FRAS1: variants seen among roughly 807,000 people sequenced by gnomAD.
The protein encoded by FRAS1 is Fraser extracellular matrix complex subunit 1.
A neutral mutation model predicts 435.2 loss-of-function variants in FRAS1; 290 were observed. That is an observed-to-expected ratio of 0.67 (90% confidence interval 0.61 to 0.73). The LOEUF is 0.73. Ranked by LOEUF, FRAS1 falls within the 30% of genes least tolerant of loss-of-function variation. The pLI is 0.00. For synonymous variants in FRAS1, 1,800 were observed against 1,851.0 expected (o/e 0.97, Z 0.71); for missense variants, 4,860 against 5,001.5 (o/e 0.97, Z 0.85).
intron 2 of FRAS1, chr4:78,181,095 GC>G (rs1434213888): frequency 1.3e-6 from 2 of 1,559,164 alleles, no homozygotes; most frequent in Non-Finnish European, 1.8e-6. Flanking sequence ...CTCAGCATAA[GC>G]CTCTTCACTC....
intron 26 of FRAS1, among the ~76,000 whole-genome samples, chr4:78,376,297 T>C (rs1731757673): frequency 6.6e-6 from 1 of 152,204 alleles, no homozygotes; most frequent in African/African-American, 2.4e-5. Context: ...ACCTAGATGG[T>C]ATAGCCTACT....
intron 9 of FRAS1, among the ~76,000 whole-genome samples, chr4:78,272,676 T>A (rs1726770158): frequency 6.6e-6 from 1 of 152,228 alleles, no homozygotes. Flanking sequence ...TCTATATCTC[T>A]GTTTTGGTAC....
At chr4:78,133,386 G>T (rs1443886923) in intron 2 of FRAS1, among the ~76,000 whole-genome samples, 1 of 152,018 alleles carries the variant, frequency 6.6e-6, no homozygotes, top group Admixed American at 6.6e-5. Context: ...AGGGTAGTGG[G>T]GTGGGAGGGA....
intron 14 of FRAS1, among the ~76,000 whole-genome samples, chr4:78,302,909 GTT>G (rs1453044745): frequency 6.6e-6 from 1 of 152,152 alleles, no homozygotes; most frequent in Non-Finnish European, 1.5e-5. Context: ...TGCTTTTGGT[GTT>G]TTAGACATGA....
chr4:78,325,552 G>A (rs943508535), intron 18 of FRAS1, among the ~76,000 whole-genome samples: 6 of 152,278 alleles, frequency 3.9e-5, no homozygotes, highest in Middle Eastern at 3.4e-3. Context: ...GCTGACATGC[G>A]CTGTACAAAT....
At chr4:78,292,999 C>A (rs1190212223) in intron 14 of FRAS1, among the ~76,000 whole-genome samples, 1 of 152,134 alleles carries the variant, frequency 6.6e-6, no homozygotes, top group Non-Finnish European at 1.5e-5. Context: ...CCTGTCTCTT[C>A]GATTCTGTTC....
At position 78,499,734 on chromosome 4, in the gene FRAS1, G is replaced by A. The variant is rs761773026; in HGVS notation, c.9129G>A (p.Glu3043=). 6.2e-7 allele frequency: 1 copy of A among 1,613,782 alleles called. No individual in the cohort carries two copies. The highest frequency in any genetic ancestry group is 8.5e-7 in the Non-Finnish European group (1 of 1,179,768). ...ATATTTCCTTAGCCCCCACCATTGAGTTTGAAGAAGCTGCATACCAAGTCC... is the reference window on the plus strand; with the variant it reads ...ATATTTCCTTAGCCCCCACCATTGAATTTGAAGAAGCTGCATACCAAGTCC... ...ISNDEDAPTI[E]FEEAAYQVRE... Residue 3043 remains glutamate, a synonymous_variant, in exon 61 of 74, where the codon GAG becomes GAA. Transcript: ENST00000512123.
At chr4:78,339,546 CCAGA>C (rs1341121370) in intron 20 of FRAS1, among the ~76,000 whole-genome samples, 1 of 152,142 alleles carries the variant, frequency 6.6e-6, no homozygotes, top group Non-Finnish European at 1.5e-5. Flanking sequence ...CAAAATATTT[CCAGA>C]AGAATAACCA....
intron 20 of FRAS1, among the ~76,000 whole-genome samples, chr4:78,359,527 A>G (rs895129363): frequency 6.6e-6 from 1 of 152,100 alleles, no homozygotes; most frequent in Non-Finnish European, 1.5e-5. Context: ...TAATGATATA[A>G]TTGGTCTTCT....
At chr4:78,122,077 G>A (rs763155931) in intron 2 of FRAS1, among the ~76,000 whole-genome samples, 18 of 152,174 alleles carry the variant, frequency 1.2e-4, no homozygotes, top group South Asian at 2.1e-4. Context: ...TGCTGCACCC[G>A]TCAACCAGTC....
chr4:78,088,203 G>A (rs1227214440), intron 2 of FRAS1, among the ~76,000 whole-genome samples: 4 of 152,198 alleles, frequency 2.6e-5, no homozygotes, highest in Non-Finnish European at 4.4e-5. Context: ...AGTAAATGAT[G>A]CTGGGAAAAC....
intron 2 of FRAS1, among the ~76,000 whole-genome samples, chr4:78,234,476 C>T (rs374072183): frequency 2.1e-4 from 32 of 152,272 alleles, no homozygotes; most frequent in East Asian, 9.6e-4. Context: ...CCACCCGCCT[C>T]GGCCCCCGAA....
chr4:78,480,828 T>A (rs1719989851), intron 56 of FRAS1, among the ~76,000 whole-genome samples: 1 of 152,214 alleles, frequency 6.6e-6, no homozygotes, highest in Non-Finnish European at 1.5e-5. Context: ...CTTTCACATC[T>A]ATGAAGGGAT....
At chr4:78,400,175 C>T (rs1732825374) in intron 29 of FRAS1, among the ~76,000 whole-genome samples, 1 of 152,124 alleles carries the variant, frequency 6.6e-6, no homozygotes, top group Non-Finnish European at 1.5e-5. Context: ...TTTTGTTATT[C>T]AAAATGAAAT....
At chr4:78,339,639 A>T (rs781334526) in intron 20 of FRAS1, among the ~76,000 whole-genome samples, 33 of 152,240 alleles carry the variant, frequency 2.2e-4, no homozygotes, top group Admixed American at 8.5e-4. Context: ...CAGGTATAGC[A>T]CGTGGGCCAT....
At chr4:78,296,664 G>C (rs1044986930) in intron 14 of FRAS1, among the ~76,000 whole-genome samples, 5 of 152,170 alleles carry the variant, frequency 3.3e-5, no homozygotes, top group South Asian at 2.1e-4. Context: ...GAGCCCATTC[G>C]TATAGCTGCT....
intron 18 of FRAS1, among the ~76,000 whole-genome samples, chr4:78,328,704 T>A (rs934562862): frequency 6.6e-5 from 10 of 152,140 alleles, no homozygotes; most frequent in African/African-American, 2.4e-4. Flanking sequence ...ATCTAAAACT[T>A]TAATTTGGGA....
chr4:78,261,358 G>A (rs920779797), intron 6 of FRAS1, among the ~76,000 whole-genome samples: 1 of 151,964 alleles, frequency 6.6e-6, no homozygotes, highest in African/African-American at 2.4e-5. Flanking sequence ...TCAGAAGTCT[G>A]CTGTTTCTCT....
chr4:78,446,536 AG>A, intron 42 of FRAS1, 190 bp from the exon 43 acceptor site: 1 of 1,365,612 alleles, frequency 7.3e-7, no homozygotes, highest in Non-Finnish European at 9.4e-7. Flanking sequence ...CTTCTTTTGA[AG>A]GGGGCATTTT....
Sources: allele counts gnomAD v4.1 joint callset (sites outside exome capture counted in the v4.1 genomes callset), GRCh38; gene constraint gnomAD v4.1.1; transcripts MANE v1.5; gene names NCBI Gene and HGNC (gene_info 2026-07-23, HGNC 2026-07-21).